Variants in NSMF observed in about 807,000 individuals in gnomAD.
NSMF encodes the protein nasal embryonic LHRH factor.
Under a neutral mutation model 71.0 loss-of-function variants are expected in NSMF, and 31 were observed. That is an observed-to-expected ratio of 0.44 (90% confidence interval 0.33 to 0.59). NSMF has a LOEUF of 0.59. Among genes scored for constraint, NSMF ranks in the 20% least tolerant of loss-of-function variants. The pLI, the probability that NSMF is intolerant of heterozygous loss-of-function variation, is 0.04. For missense variants in NSMF, 673 were observed against 740.5 expected (o/e 0.91, Z 1.06); for synonymous variants, 345 against 287.1 (o/e 1.20, Z -2.04).
chr9:137,452,822 GC>G lies in NSMF; in HGVS notation c.1048-4del. ...TTGGGCACCTTGGAGGAAATGAGCT[GC>G]GGAGACAAAGAGCTGCTCAGGGGCC... is the stretch of plus-strand genomic sequence containing the variant. On this transcript the variant is annotated splice_region_variant and splice_polypyrimidine_tract_variant and intron_variant, in intron 9 of 15. Coordinates refer to ENST00000371475, the MANE Select transcript of NSMF (RefSeq NM_001130969.3). The G allele has an allele frequency of 6.3e-7, 1 of 1,598,328 alleles. No individual in the cohort carries two copies. The highest frequency in any genetic ancestry group is 1.1e-5 in the South Asian group (1 of 88,852).
intron 2 of NSMF, 48 bp downstream of exon 2, chr9:137,458,440 T>G (rs1193819274): frequency 6.6e-7 from 1 of 1,504,686 alleles, no homozygotes; most frequent in African/African-American, 1.4e-5. Context: ...CAGCATCCCT[T>G]GGGCTGGGGG....
chr9:137,453,336 G>C lies in NSMF; in HGVS notation c.923-156C>G. ...AGGTCGCCGCCAGCCCGGCAGGACA[G>C]GCCTGTGGACACCACTGGGCAGCGG... On this transcript the variant is annotated intron_variant, in intron 8 of 15. Coordinates refer to ENST00000371475, the MANE Select transcript of NSMF (RefSeq NM_001130969.3). The surrounding 1 kb of genome is among the most constrained non-coding windows in gnomAD (Gnocchi z 4.5). 9.5e-7 allele frequency: 1 copy of C among 1,053,214 alleles called. No homozygotes were observed. The highest frequency in any genetic ancestry group is 1.4e-6 in the Non-Finnish European group (1 of 722,214). 65.2% of individuals were successfully genotyped at this position (1,053,214 alleles called of 1,614,324 possible).
Position 137,450,271 on chromosome 9 carries a change from G to T in NSMF, c.1237-16C>A. 2 of 1,605,336 alleles carry T rather than the reference G, an allele frequency of 1.2e-6. No homozygotes were observed. Among genetic ancestry groups the T allele is most frequent in the South Asian group, 1.1e-5 (1 of 90,948 alleles). On this transcript the variant is annotated splice_polypyrimidine_tract_variant and intron_variant, in intron 12 of 15. Transcript: ENST00000371475. ...CAGGACCTCCCTGTAAGAAGCTGTG[G>T]TCAGGCATCTGCTCCTCCTTCCTCC...
intron 7 of NSMF, 152 bp downstream of exon 7, chr9:137,454,239 C>A: frequency 3.0e-6 from 2 of 665,940 alleles, no homozygotes; most frequent in Non-Finnish European, 5.1e-6. Flanking sequence ...GAGCCTGGGC[C>A]GGGCTGGGGA....
At position 137,453,005 on chromosome 9, in the gene NSMF, G is replaced by C. The variant is rs1416976782; in HGVS notation, c.1047+51C>G. 1.9e-6 allele frequency: 3 copies of C among 1,609,086 alleles called. No homozygotes were observed. Among genetic ancestry groups the C allele is most frequent in the African/African-American group, 2.7e-5 (2 of 75,008 alleles). On this transcript the variant is annotated intron_variant, in intron 9 of 15. Coordinates refer to ENST00000371475, the MANE Select transcript of NSMF (RefSeq NM_001130969.3). This position sits in a 1 kb window ranked among gnomAD's most constrained non-coding sequence, Gnocchi z 4.5. Reference sequence around the variant, plus strand: ...GCAGAGCTGGCTGGACTCGGGTTGGGGCGGAGTCCTGCTCGGGGTGTAGAG... The same window carrying C: ...GCAGAGCTGGCTGGACTCGGGTTGGCGCGGAGTCCTGCTCGGGGTGTAGAG...
intron 4 of NSMF, among the ~76,000 whole-genome samples, chr9:137,456,142 AC>A (rs1243637982): frequency 7.0e-6 from 1 of 142,516 alleles, no homozygotes; most frequent in Non-Finnish European, 1.5e-5. Flanking sequence ...AACCTGCCAC[AC>A]CCCACACCCC....
At position 137,453,918 on chromosome 9, in the gene NSMF, G is replaced by A. The variant is rs1235638686; in HGVS notation, c.833-98C>T. ...GACCACAGGGGCCCTGGGCAGAGGA[G>A]GAAGCTAATGTGGGTGGGGTCTAAG... is the stretch of plus-strand genomic sequence containing the variant. On this transcript the variant is annotated intron_variant, in intron 7 of 15. Coordinates refer to ENST00000371475, the MANE Select transcript of NSMF (RefSeq NM_001130969.3). The surrounding 1 kb of genome is among the most constrained non-coding windows in gnomAD (Gnocchi z 4.5). 5 of 1,017,406 alleles carry A rather than the reference G, an allele frequency of 4.9e-6. No homozygotes were observed. Among genetic ancestry groups the A allele is most frequent in the African/African-American group, 3.2e-5 (2 of 62,812 alleles). 63.0% of individuals were successfully genotyped at this position (1,017,406 alleles called of 1,614,324 possible).
Position 137,453,499 on chromosome 9 carries a change from A to G in NSMF, c.922+232T>C, listed in dbSNP as rs1830653178. On this transcript the variant is annotated intron_variant, in intron 8 of 15. Coordinates refer to ENST00000371475, the MANE Select transcript of NSMF (RefSeq NM_001130969.3). This position sits in a 1 kb window ranked among gnomAD's most constrained non-coding sequence, Gnocchi z 4.5. ...CCCCTGCCCCTGAGGGCCTCTTGCG[A>G]GTGGCGGTGGGCACGGCCCTACAGG... The G allele has an allele frequency of 1.7e-6, 1 of 597,992 alleles. No individual in the cohort carries two copies. Among genetic ancestry groups the G allele is most frequent in the South Asian group, 2.0e-5 (1 of 49,876 alleles). The allele number at this position is 597,992 out of a possible 1,614,324, so 37.0% of individuals were successfully genotyped here. A position where few individuals can be genotyped will look rare whatever the true frequency, so the allele number is the denominator to read the frequency against.
chr9:137,457,714 C>T lies in NSMF; in HGVS notation c.321G>A (p.Glu107=), dbSNP rs1424298818. Residue 107 remains glutamate, a synonymous_variant, in exon 3 of 16, where the codon GAG becomes GAA. Coordinates refer to ENST00000371475, the MANE Select transcript of NSMF (RefSeq NM_001130969.3). ...CCTCAGGGCTGGGCAGCAGGGCAGG[C>T]TCCCCAGAGATGGTGTACACTCGAG... ...PQPRVYTISG[E]PALLPSPEAE... 16 of 1,554,278 alleles carry T rather than the reference C, an allele frequency of 1.0e-5. No individual in the cohort carries two copies. The highest frequency in any genetic ancestry group is 1.3e-5 in the Non-Finnish European group (15 of 1,149,130).
rs977110325 is a variant in NSMF, at chr9:137,453,662, C to T, written c.922+69G>A. The T allele has an allele frequency of 3.2e-6, 4 of 1,262,430 alleles. No homozygotes were observed. Among genetic ancestry groups the T allele is most frequent in the Admixed American group, 5.0e-5 (2 of 40,260 alleles). The allele number at this position is 1,262,430 out of a possible 1,614,324, so 78.2% of individuals were successfully genotyped here. ...GCAGCCCAGCGGCCCTGGCAGGGGA[C>T]CCCCAGCAGGGGTCTGGGGTCTAGG... On this transcript the variant is annotated intron_variant, in intron 8 of 15. Coordinates refer to ENST00000371475, the MANE Select transcript of NSMF (RefSeq NM_001130969.3). This position sits in a 1 kb window ranked among gnomAD's most constrained non-coding sequence, Gnocchi z 4.5.
intron 3 of NSMF, among the ~76,000 whole-genome samples, chr9:137,456,800 T>C (rs777789238): frequency 3.9e-5 from 6 of 152,186 alleles, no homozygotes; most frequent in Admixed American, 6.5e-5. Context: ...AGGAAAACAA[T>C]GCGTCTGTTT....
chr9:137,451,428 C>T (rs542718896), intron 12 of NSMF, among the ~76,000 whole-genome samples: 1 of 7,812 alleles, frequency 1.3e-4, no homozygotes, highest in African/African-American at 7.5e-4. Flanking sequence ...CCGCGCCACA[C>T]GCCTCTTCCC....
In NSMF at chr9:137,449,164, A is replaced by T. The variant is rs1564255937; in HGVS notation, c.*230T>A. ...GTCAGTGCCTGGCCGCTGAGCATCC[A>T]CGGGCCACAGGGCGGGATCCTCCCG... On this transcript the variant is annotated 3_prime_UTR_variant, in exon 16 of 16. Coordinates refer to ENST00000371475, the MANE Select transcript of NSMF (RefSeq NM_001130969.3). 1.7e-6 allele frequency: 1 copy of T among 591,408 alleles called. No homozygotes were observed. The highest frequency in any genetic ancestry group is 3.0e-6 in the Non-Finnish European group (1 of 330,144). The allele number at this position is 591,408 out of a possible 1,614,324, so 36.6% of individuals were successfully genotyped here. A position where few individuals can be genotyped will look rare whatever the true frequency, so the allele number is the denominator to read the frequency against.
chr9:137,453,816 G>A lies in NSMF; in HGVS notation c.837C>T (p.Phe279=), dbSNP rs1370113864. Residue 279 remains phenylalanine, a synonymous_variant, in exon 8 of 16, where the codon TTC becomes TTT. Coordinates refer to ENST00000371475, the MANE Select transcript of NSMF (RefSeq NM_001130969.3). The surrounding 1 kb of genome is among the most constrained non-coding windows in gnomAD (Gnocchi z 4.5). ...VGSRRVKAQT[F]AERRERSFSR... ...TGAAGCTCCGCTCGCGCCGCTCAGC[G>A]AACGCTGCAGAGAGCAAAACCCGCA... 3 of 1,588,228 alleles carry A rather than the reference G, an allele frequency of 1.9e-6. No individual in the cohort carries two copies. The highest frequency in any genetic ancestry group is 1.3e-5 in the African/African-American group (1 of 74,730).
Position 137,449,352 on chromosome 9 carries a change from G to T in NSMF, c.*42C>A. On this transcript the variant is annotated 3_prime_UTR_variant, in exon 16 of 16. Transcript: ENST00000371475. ...CGGCCCAGCCCCAGGTCCCGGTGCA[G>T]AGGGAGTGGCCTGATGGTGACTGGG... The T allele has an allele frequency of 6.5e-7, 1 of 1,545,036 alleles. No homozygotes were observed. Among genetic ancestry groups the T allele is most frequent in the Non-Finnish European group, 8.9e-7 (1 of 1,120,018 alleles).
In NSMF at chr9:137,458,540, T is replaced by A; in HGVS notation, c.81A>T (p.Arg27=). The part of the protein sequence containing the change: ...SSVAAKVRAA[R]AFGEYLSQSH... ...TCTGGGACAGGTACTCTCCAAACGC[T>A]CGGGCTGCTCTGAGGGTGGACAGAG... Residue 27 remains arginine, a synonymous_variant, in exon 2 of 16, where the codon CGA becomes CGT. Transcript: ENST00000371475. 6.3e-7 allele frequency: 1 copy of A among 1,597,246 alleles called. No individual in the cohort carries two copies. The highest frequency in any genetic ancestry group is 8.5e-7 in the Non-Finnish European group (1 of 1,173,786).
chr9:137,457,278 T>C, intron 3 of NSMF, 129 bp downstream of exon 3: 1 of 1,345,344 alleles, frequency 7.4e-7, no homozygotes, highest in Non-Finnish European at 1.1e-6. Context: ...GTTTTAATCT[T>C]GAGTCCGCTG....
intron 6 of NSMF, chr9:137,454,681 T>G (rs753979303): frequency 1.3e-6 from 2 of 1,523,780 alleles, no homozygotes; most frequent in South Asian, 2.4e-5. Context: ...CCTGGCGCTC[T>G]GGATCAAGTC....
Position 137,457,908 on chromosome 9 carries a change from G to A in NSMF, c.134-7C>T, listed in dbSNP as rs534125590. The A allele has an allele frequency of 4.5e-6, 7 of 1,541,048 alleles. No homozygotes were observed. The African/African-American group carries it at 6.8e-5, about 15-fold the overall frequency. On this transcript the variant is annotated splice_polypyrimidine_tract_variant and splice_region_variant and intron_variant, in intron 2 of 15. Coordinates refer to ENST00000371475, the MANE Select transcript of NSMF (RefSeq NM_001130969.3). ...GCATCAGCCAGCAGGTGATCTAGGA[G>A]AGACACTGAGTGAGCCTGCCTGCCG... is the stretch of plus-strand genomic sequence containing the variant.
Sources: allele counts gnomAD v4.1 joint callset (sites outside exome capture counted in the v4.1 genomes callset), GRCh38; gene constraint gnomAD v4.1.1; non-coding constraint Gnocchi (gnomAD v3.1); transcripts MANE v1.5; gene names NCBI Gene and HGNC (gene_info 2026-07-23, HGNC 2026-07-21).